RGPD4: variants seen among roughly 807,000 people sequenced by gnomAD.
RGPD4 encodes ranBP2-like and GRIP domain-containing protein 4.
Under a neutral mutation model 141.1 loss-of-function variants are expected in RGPD4, and 84 were observed. The ratio of observed to expected loss-of-function variants is 0.60; its 90% CI spans 0.50 to 0.71. The LOEUF is 0.71. Ranked by LOEUF, RGPD4 falls within the 30% of genes least tolerant of loss-of-function variation. The pLI is 0.00. For synonymous variants in RGPD4, 298 were observed against 566.8 expected (o/e 0.53, Z 6.74); for missense variants, 918 against 1,622.4 (o/e 0.57, Z 7.46).
At chr2:107,854,052 C>T (rs1487343602) in intron 7 of RGPD4, among the ~76,000 whole-genome samples, 5 of 144,458 alleles carry the variant, frequency 3.5e-5, no homozygotes, top group Admixed American at 1.4e-4. Flanking sequence ...TCTGGCCCCT[C>T]TCTTTTTTTT....
At chr2:107,880,154 T>A in intron 21 of RGPD4, 47 bp downstream of exon 21, 1 of 1,611,342 alleles carries the variant, frequency 6.2e-7, no homozygotes, top group African/African-American at 1.3e-5. Flanking sequence ...AATTTGGTTT[T>A]CTGGACCCTC....
chr2:107,883,851 T>C lies in RGPD4; in HGVS notation c.5266+978T>C, dbSNP rs573679356. The stretch of plus-strand genomic sequence containing the variant: ...TACAAGCACAAGGAAGGCGCTATAA[T>C]CTCTCTTGAGTTGTCACCCATCTCT... On this transcript the variant is annotated intron_variant, in intron 22 of 22. Transcript: ENST00000408999. Among the ~76,000 whole-genome samples the C allele has an allele frequency of 2.7e-4, 41 of 152,272 alleles. No homozygotes were observed. In the East Asian group the frequency reaches 6.6e-3, roughly 24 times the overall value.
intron 20 of RGPD4, among the ~76,000 whole-genome samples, chr2:107,878,166 A>G (rs866727119): frequency 6.6e-6 from 1 of 151,168 alleles, no homozygotes; most frequent in African/African-American, 2.4e-5. Flanking sequence ...CCTTTCACTT[A>G]TCTTATAGTT....
rs906021351 is a variant in RGPD4 at position 107,870,841 on chromosome 2, G to T, written c.2837G>T (p.Gly946Val). ...ESEKPLENDTGFQAQDISGQK... is the reference protein window; with the variant it reads ...ESEKPLENDTVFQAQDISGQK... ...GAAAAGCCTCTTGAAAATGATACTG[G>T]CTTCCAGGCTCAGGATATTAGTGGC... Residue 946 changes from glycine to valine, a missense_variant, in exon 20 of 23, where the codon GGC (glycine) becomes GTC (valine). Gly to Val is a moderately radical substitution (Grantham distance 109). Coordinates refer to ENST00000408999, the MANE Select transcript of RGPD4 (RefSeq NM_182588.3). The T allele has an allele frequency of 6.2e-7, 1 of 1,610,264 alleles. No individual in the cohort carries two copies. Among genetic ancestry groups the T allele is most frequent in the African/African-American group, 1.3e-5 (1 of 74,230 alleles).
chr2:107,847,961 G>T (rs1682013578), intron 6 of RGPD4, among the ~76,000 whole-genome samples: 1 of 139,514 alleles, frequency 7.2e-6, no homozygotes, highest in Non-Finnish European at 1.5e-5. Flanking sequence ...TCTAATTTGA[G>T]AAATTACAAC....
chr2:107,857,670 A>G, intron 9 of RGPD4, among the ~76,000 whole-genome samples: 1 of 151,626 alleles, frequency 6.6e-6, no homozygotes. Context: ...CCTAGGCTCA[A>G]GTGATCCTCC....
At chr2:107,850,924 C>A (rs1165659057) in intron 7 of RGPD4, among the ~76,000 whole-genome samples, 1 of 21,322 alleles carries the variant, frequency 4.7e-5, no homozygotes, top group Admixed American at 3.4e-4. Flanking sequence ...CAGGCGTGAG[C>A]CACCGCGCCC....
At chr2:107,855,098 AT>A (rs1197601378) in intron 8 of RGPD4, among the ~76,000 whole-genome samples, 2 of 94,278 alleles carry the variant, frequency 2.1e-5, no homozygotes, top group African/African-American at 4.1e-5. Context: ...GAATTTGTGG[AT>A]TTTTTCCCCC....
chr2:107,832,524 C>T (rs1034398207), intron 1 of RGPD4, among the ~76,000 whole-genome samples: 232 of 120,670 alleles, frequency 1.9e-3, no homozygotes, highest in Non-Finnish European at 3.3e-3. Context: ...TCACCACAAC[C>T]TCCGCCTCCC....
rs1232778521 is a variant in RGPD4, at chr2:107,853,489, G to A, written c.979-1067G>A. Among the ~76,000 whole-genome samples the A allele has an allele frequency of 5.0e-5, 7 of 139,030 alleles. No individual in the cohort carries two copies. In the South Asian group the frequency reaches 1.7e-3, roughly 34 times the overall value. 91.2% of individuals were successfully genotyped at this position (139,030 alleles called of 152,430 possible). On this transcript the variant is annotated intron_variant, in intron 7 of 22. Coordinates refer to ENST00000408999, the MANE Select transcript of RGPD4 (RefSeq NM_182588.3). ...TGAGGATCTCTTTAATTTCCTGGTT[G>A]TCCCATTTATTCCAGTGCTATCCCC...
At chr2:107,828,852 A>C (rs1231425532) in intron 1 of RGPD4, among the ~76,000 whole-genome samples, 5 of 10,742 alleles carry the variant, frequency 4.7e-4, no homozygotes, top group East Asian at 4.1e-3. Flanking sequence ...TCGATGGCTC[A>C]GGCGTCATGG....
At chr2:107,827,355 C>T (rs1342708641) in intron 1 of RGPD4, among the ~76,000 whole-genome samples, 1 of 124,696 alleles carries the variant, frequency 8.0e-6, no homozygotes, top group Non-Finnish European at 1.7e-5. Flanking sequence ...ATGGCTCAGG[C>T]GTCATGCCTC....
rs755330160 is a variant in RGPD4, at chr2:107,859,861, T to G, written c.1758+16T>G. 1.3e-6 allele frequency: 2 copies of G among 1,573,264 alleles called. No individual in the cohort carries two copies. Among genetic ancestry groups the G allele is most frequent in the Admixed American group, 4.0e-5 (2 of 50,054 alleles). ...TCAGAAAATGGTGAGTTTTAAAGTA[T>G]AAGCATTTTAAAAGAACATTACCTT... is the stretch of plus-strand genomic sequence containing the variant. On this transcript the variant is annotated intron_variant, in intron 12 of 22. Coordinates refer to ENST00000408999, the MANE Select transcript of RGPD4 (RefSeq NM_182588.3).
chr2:107,870,871 A>G lies in RGPD4; in HGVS notation c.2867A>G (p.Lys956Arg). The G allele has an allele frequency of 6.2e-7, 1 of 1,610,664 alleles. No individual in the cohort carries two copies. The highest frequency in any genetic ancestry group is 1.1e-5 in the South Asian group (1 of 90,916). Residue 956 changes from lysine to arginine, a missense_variant, in exon 20 of 23, where the codon AAG (lysine) becomes AGG (arginine). Transcript: ENST00000408999. ...GFQAQDISGQ[K>R]NGRGVIFGQT... ...CAGGCTCAGGATATTAGTGGCCAGA[A>G]GAATGGCCGTGGTGTGATTTTTGGC...
rs572958190 is a variant in RGPD4, at chr2:107,889,202, T to C, written c.5267-1519T>C. Among the ~76,000 whole-genome samples the C allele has an allele frequency of 1.7e-3, 225 of 134,044 alleles. 3 individuals carry two copies. Among genetic ancestry groups the C allele is most frequent in the African/African-American group, 6.8e-3 (215 of 31,496 alleles). The allele number at this position is 134,044 out of a possible 152,430, so 87.9% of individuals were successfully genotyped here. On this transcript the variant is annotated intron_variant, in intron 22 of 22. Coordinates refer to ENST00000408999, the MANE Select transcript of RGPD4 (RefSeq NM_182588.3). ...TATCCAAGAGGAATGAAAACCAGTA[T>C]TCACACAAAATCCTATGCACAAACC...
At chr2:107,865,245 A>G (rs62150203) in intron 17 of RGPD4, among the ~76,000 whole-genome samples, 14 of 147,818 alleles carry the variant, frequency 9.5e-5, no homozygotes, top group African/African-American at 3.3e-4. Flanking sequence ...CAGTGTAGAT[A>G]GTATAAAAAT....
intron 1 of RGPD4, among the ~76,000 whole-genome samples, chr2:107,835,659 CT>C (rs1681643457): frequency 6.8e-6 from 1 of 146,490 alleles, no homozygotes; most frequent in African/African-American, 2.5e-5. Context: ...AAGCTGGTTT[CT>C]TTTGTTTGTT....
chr2:107,882,641 G>A, intron 21 of RGPD4, 31 bp from the exon 22 acceptor site: 1 of 1,585,976 alleles, frequency 6.3e-7, no homozygotes, highest in South Asian at 1.1e-5. Context: ...AGCTCCTAAA[G>A]CCCATTTTTA....
intron 7 of RGPD4, among the ~76,000 whole-genome samples, chr2:107,849,547 C>T (rs1466333851): frequency 1.0e-4 from 2 of 19,276 alleles, no homozygotes; most frequent in Non-Finnish European, 2.1e-4. Context: ...TTTTTTTGTA[C>T]TTTTAGTAGA....
Sources: gnomAD v4.1 joint callset for allele counts (sites outside exome capture counted in the v4.1 genomes callset) on GRCh38, gnomAD v4.1.1 for gene constraint, MANE v1.5 for transcripts, NCBI Gene and HGNC (gene_info 2026-07-23, HGNC 2026-07-21) for gene names.